LIN28B: variants seen among roughly 807,000 people sequenced by gnomAD.
LIN28B encodes lin-28 RNA binding posttranscriptional regulator B, also known as protein lin-28 homolog B.
A neutral mutation model predicts 21.9 loss-of-function variants in LIN28B; 5 were observed. The observed-to-expected ratio is 0.23, with a 90% CI of 0.12 to 0.48. The LOEUF is 0.48. Among genes scored for constraint, LIN28B ranks in the 20% least tolerant of loss-of-function variants. The pLI is 0.98. For synonymous variants in LIN28B, 109 were observed against 111.3 expected (o/e 0.98, Z 0.13); for missense variants, 245 against 310.5 (o/e 0.79, Z 1.58).
chr6:105,072,349 A>C (rs1374623011), intron 3 of LIN28B, among the ~76,000 whole-genome samples: 3 of 152,214 alleles, frequency 2.0e-5, no homozygotes, highest in African/African-American at 7.2e-5. Context: ...AAAAACCTTT[A>C]GCACAGTGTC....
chr6:105,027,560 TAAG>T (rs1229494116), intron 3 of LIN28B, among the ~76,000 whole-genome samples: 4 of 152,046 alleles, frequency 2.6e-5, no homozygotes, highest in South Asian at 4.1e-4. Flanking sequence ...AAATAAAAAA[TAAG>T]AAATTTTTTT....
intron 2 of LIN28B, among the ~76,000 whole-genome samples, 174 bp downstream of exon 2, chr6:104,958,460 G>A (rs1426750285): frequency 6.6e-6 from 1 of 152,026 alleles, no homozygotes; most frequent in African/African-American, 2.4e-5. Flanking sequence ...CTTTTCCTGG[G>A]TTTTCTGTCT....
chr6:104,978,427 A>G (rs768087260), intron 2 of LIN28B, among the ~76,000 whole-genome samples: 2 of 152,180 alleles, frequency 1.3e-5, no homozygotes, highest in Non-Finnish European at 2.9e-5. Flanking sequence ...TCTAATGCTT[A>G]TCAGCTGCTT....
At chr6:104,975,691 C>A (rs1054847279) in intron 2 of LIN28B, among the ~76,000 whole-genome samples, 1 of 151,846 alleles carries the variant, frequency 6.6e-6, no homozygotes, top group African/African-American at 2.4e-5. Flanking sequence ...TTCTGTCTCC[C>A]AGGCTGGAGT....
chr6:105,031,869 A>G, intron 3 of LIN28B, among the ~76,000 whole-genome samples: 1 of 152,136 alleles, frequency 6.6e-6, no homozygotes. Context: ...TCCTGTAGTC[A>G]GTACCATCAT....
chr6:104,958,553 C>A (rs567141124), intron 2 of LIN28B, among the ~76,000 whole-genome samples: 1 of 152,046 alleles, frequency 6.6e-6, no homozygotes, highest in Non-Finnish European at 1.5e-5. Flanking sequence ...CATTCTACAG[C>A]GAAATAGTGT....
At chr6:105,045,115 T>C (rs1771723664) in intron 3 of LIN28B, among the ~76,000 whole-genome samples, 1 of 152,102 alleles carries the variant, frequency 6.6e-6, no homozygotes, top group Admixed American at 6.6e-5. Context: ...ACATCATAGA[T>C]TGAGAAAAGT....
chr6:105,015,090 C>G (rs1771001600), intron 2 of LIN28B, among the ~76,000 whole-genome samples: 1 of 151,896 alleles, frequency 6.6e-6, no homozygotes, highest in Non-Finnish European at 1.5e-5. Context: ...AATTTTTCCC[C>G]CAGTTGTTCT....
chr6:104,982,279 A>G (rs1257481089), intron 2 of LIN28B, among the ~76,000 whole-genome samples: 1 of 151,034 alleles, frequency 6.6e-6, no homozygotes, highest in Non-Finnish European at 1.5e-5. Context: ...GCGCCATTGC[A>G]CTCCAGCTTG....
intron 2 of LIN28B, among the ~76,000 whole-genome samples, chr6:105,023,072 A>G (rs575790667): frequency 1.3e-5 from 2 of 148,590 alleles, no homozygotes; most frequent in South Asian, 2.1e-4. Context: ...TTTTGGGGGA[A>G]CAAATACAGG....
chr6:105,063,317 G>A (rs1345649071), intron 3 of LIN28B, among the ~76,000 whole-genome samples: 2 of 152,052 alleles, frequency 1.3e-5, no homozygotes, highest in African/African-American at 4.8e-5. Flanking sequence ...TCAATGTAAG[G>A]TTAAAAAGAA....
At chr6:104,997,077 C>G (rs1476400985) in intron 2 of LIN28B, among the ~76,000 whole-genome samples, 1 of 151,884 alleles carries the variant, frequency 6.6e-6, no homozygotes, top group Non-Finnish European at 1.5e-5. Flanking sequence ...GTCAGGAGAT[C>G]GAGACCATCC....
intron 3 of LIN28B, among the ~76,000 whole-genome samples, chr6:105,051,491 T>A (rs1393586125): frequency 6.6e-6 from 1 of 151,366 alleles, no homozygotes; most frequent in African/African-American, 2.4e-5. Context: ...TGTAATTGAA[T>A]TGCTGAGGAA....
intron 2 of LIN28B, among the ~76,000 whole-genome samples, chr6:104,994,819 A>G (rs1173555799): frequency 6.6e-6 from 1 of 152,212 alleles, no homozygotes; most frequent in Non-Finnish European, 1.5e-5. Flanking sequence ...CCTTAAACTT[A>G]TTGAAAGGTC....
At chr6:104,984,802 T>C (rs950070730) in intron 2 of LIN28B, among the ~76,000 whole-genome samples, 2 of 152,190 alleles carry the variant, frequency 1.3e-5, no homozygotes, top group Non-Finnish European at 2.9e-5. Flanking sequence ...ACTTTATTCA[T>C]TGAGAATGTT....
At chr6:104,978,209 T>C (rs1396395753) in intron 2 of LIN28B, among the ~76,000 whole-genome samples, 5 of 152,240 alleles carry the variant, frequency 3.3e-5, no homozygotes, top group Non-Finnish European at 5.9e-5. Flanking sequence ...TTCTATTTGT[T>C]ACTATAGTTT....
upstream of LIN28B, among the ~76,000 whole-genome samples, chr6:104,955,381 C>A (rs2114560490): frequency 6.6e-6 from 1 of 151,962 alleles, no homozygotes; most frequent in East Asian, 1.9e-4. Flanking sequence ...AGAAAGTAGC[C>A]CTTTTTCCTG....
At chr6:105,028,830 A>C (rs753016851) in intron 3 of LIN28B, among the ~76,000 whole-genome samples, 1 of 152,218 alleles carries the variant, frequency 6.6e-6, no homozygotes, top group Non-Finnish European at 1.5e-5. Context: ...AAGAGGAGAT[A>C]AGATCACCAT....
chr6:105,036,984 A>G (rs1345475368), intron 3 of LIN28B, among the ~76,000 whole-genome samples: 1 of 152,188 alleles, frequency 6.6e-6, no homozygotes, highest in Non-Finnish European at 1.5e-5. Context: ...TTAAATGAAC[A>G]TTATGACATT....
Sources: gnomAD v4.1 joint callset for allele counts (sites outside exome capture counted in the v4.1 genomes callset) on GRCh38, gnomAD v4.1.1 for gene constraint, MANE v1.5 for transcripts, NCBI Gene and HGNC (gene_info 2026-07-23, HGNC 2026-07-21) for gene names.